RAB38: variants seen among roughly 807,000 people sequenced by gnomAD.
RAB38 encodes ras-related protein Rab-38.
RAB38 carries 15 observed loss-of-function variants against 18.4 expected under a neutral mutation model. That is an observed-to-expected ratio of 0.82 (90% confidence interval 0.55 to 1.26). The LOEUF is 1.26. Among genes scored for constraint, RAB38 ranks in the 50% most tolerant of loss-of-function variants. The probability of loss-of-function intolerance (pLI) is 0.00; values close to 1 mark genes in which losing one functional copy is unlikely to be tolerated. For missense variants in RAB38, 294 were observed against 267.4 expected (o/e 1.10, Z -0.69); for synonymous variants, 101 against 104.4 (o/e 0.97, Z 0.20).
the RAB38 span, among the ~76,000 whole-genome samples, chr11:87,845,744 C>G: frequency 6.6e-6 from 1 of 152,072 alleles, no homozygotes; most frequent in Non-Finnish European, 1.5e-5. Flanking sequence ...TAGACACAGA[C>G]AAACTGCTCA....
intron 2 of RAB38, among the ~76,000 whole-genome samples, chr11:88,146,379 A>G (rs1296272280): frequency 6.6e-6 from 1 of 152,212 alleles, no homozygotes; most frequent in Non-Finnish European, 1.5e-5. Flanking sequence ...CAATGTGAAG[A>G]AAGGAAATCA....
At chr11:87,928,706 C>T in the RAB38 span, among the ~76,000 whole-genome samples, 1 of 151,758 alleles carries the variant, frequency 6.6e-6, no homozygotes, top group Non-Finnish European at 1.5e-5. Context: ...AGCAAATGGT[C>T]CTATTTTCAA....
At chr11:87,933,749 A>G in the RAB38 span, among the ~76,000 whole-genome samples, 1 of 152,062 alleles carries the variant, frequency 6.6e-6, no homozygotes, top group Non-Finnish European at 1.5e-5. Context: ...CAGATCCACC[A>G]ATGGCAAGAC....
At chr11:88,019,084 A>ATT in the RAB38 span, among the ~76,000 whole-genome samples, 3 of 151,640 alleles carry the variant, frequency 2.0e-5, no homozygotes, top group Admixed American at 6.6e-5. Flanking sequence ...TGCAATTCAT[A>ATT]TTTTTTTTCC....
At chr11:87,812,682 A>G in the RAB38 span, among the ~76,000 whole-genome samples, 75 of 152,320 alleles carry the variant, frequency 4.9e-4, no homozygotes, top group African/African-American at 1.4e-3. Flanking sequence ...CTCATCATGT[A>G]TCTTCTATTC....
At chr11:87,902,436 C>G in the RAB38 span, among the ~76,000 whole-genome samples, 1 of 151,406 alleles carries the variant, frequency 6.6e-6, no homozygotes, top group Admixed American at 6.6e-5. Flanking sequence ...TTTCTGGACT[C>G]TTTTTTGATA....
chr11:88,072,939 A>G, the RAB38 span, among the ~76,000 whole-genome samples: 20 of 152,302 alleles, frequency 1.3e-4, no homozygotes, highest in Admixed American at 1.2e-3. Context: ...GGAAAAGACA[A>G]TTCCTGGGAC....
At chr11:88,003,880 A>ATATAATATATAATATATTATATATAAAG in the RAB38 span, among the ~76,000 whole-genome samples, 1 of 16,734 alleles carries the variant, frequency 6.0e-5, no homozygotes, top group South Asian at 2.0e-3. Flanking sequence ...ATATATTTAT[A>ATATAATATATAATATATTATATATAAAG]TATATAATTA....
chr11:88,072,529 T>C, the RAB38 span, among the ~76,000 whole-genome samples: 1 of 152,122 alleles, frequency 6.6e-6, no homozygotes, highest in African/African-American at 2.4e-5. Context: ...ATTTAAAATT[T>C]AGTGGCTGAG....
the RAB38 span, among the ~76,000 whole-genome samples, chr11:87,963,532 C>T: frequency 6.6e-6 from 1 of 152,078 alleles, no homozygotes; most frequent in African/African-American, 2.4e-5. Context: ...AACATTTTAA[C>T]CACCGCACTA....
the RAB38 span, among the ~76,000 whole-genome samples, chr11:88,004,845 C>G: frequency 3.3e-5 from 5 of 151,102 alleles, no homozygotes; most frequent in Non-Finnish European, 5.9e-5. Context: ...TATTCCTGCA[C>G]CAAACAATTG....
the RAB38 span, among the ~76,000 whole-genome samples, chr11:87,951,904 A>T: frequency 6.6e-6 from 1 of 152,096 alleles, no homozygotes; most frequent in Admixed American, 6.5e-5. Flanking sequence ...ATGCTGGGAG[A>T]ACCACTACTC....
chr11:88,032,074 C>T, the RAB38 span, among the ~76,000 whole-genome samples: 16 of 150,904 alleles, frequency 1.1e-4, no homozygotes, highest in East Asian at 3.9e-4. Context: ...GAAATAATGC[C>T]GCATATCTAC....
At chr11:87,956,046 C>T in the RAB38 span, among the ~76,000 whole-genome samples, 34 of 152,026 alleles carry the variant, frequency 2.2e-4, no homozygotes, top group South Asian at 6.3e-4. Context: ...TAAAAGTCTC[C>T]GTTCTACAGT....
At chr11:88,009,727 T>G in the RAB38 span, among the ~76,000 whole-genome samples, 1 of 152,202 alleles carries the variant, frequency 6.6e-6, no homozygotes, top group Non-Finnish European at 1.5e-5. Context: ...ATTTATAGCT[T>G]TGTGGGTGCC....
chr11:87,865,491 AG>A, the RAB38 span, among the ~76,000 whole-genome samples: 122 of 151,796 alleles, frequency 8.0e-4, 1 homozygote, highest in African/African-American at 2.8e-3. Context: ...AGGTGAAGTA[AG>A]GGTGTCTCCC....
intron 2 of RAB38, among the ~76,000 whole-genome samples, chr11:88,134,120 T>A (rs1942800857): frequency 6.6e-6 from 1 of 152,216 alleles, no homozygotes; most frequent in South Asian, 2.1e-4. Flanking sequence ...TTACTTTACA[T>A]CTGCTCTTAG....
the RAB38 span, among the ~76,000 whole-genome samples, chr11:88,019,516 G>A: frequency 2.6e-5 from 4 of 152,020 alleles, no homozygotes. Context: ...AGCAATAAAT[G>A]GAATCCTTTA....
At chr11:88,132,316 G>A (rs146381926) in intron 2 of RAB38, among the ~76,000 whole-genome samples, 44 of 152,272 alleles carry the variant, frequency 2.9e-4, no homozygotes, top group Non-Finnish European at 5.9e-4. Context: ...CATTTATGAC[G>A]TCCTTGAACT....
Sources: allele counts gnomAD v4.1 joint callset (sites outside exome capture counted in the v4.1 genomes callset), GRCh38; gene constraint gnomAD v4.1.1; transcripts MANE v1.5; gene names NCBI Gene and HGNC (gene_info 2026-07-23, HGNC 2026-07-21).